TMEM183A: variants seen among roughly 807,000 people sequenced by gnomAD.
TMEM183A encodes the protein transmembrane protein 183A.
A neutral mutation model predicts 46.7 loss-of-function variants in TMEM183A; 21 were observed. That is an observed-to-expected ratio of 0.45 (90% CI 0.32 to 0.65). The LOEUF (loss-of-function observed/expected upper bound fraction) is 0.65. TMEM183A is among the 30% of genes least tolerant of loss of function. The pLI is 0.04. For synonymous variants in TMEM183A, 165 were observed against 180.2 expected (o/e 0.92, Z 0.68); for missense variants, 331 against 481.9 (o/e 0.69, Z 2.93).
rs1167499692 is a variant in TMEM183A, at chr1:203,020,801, G to A, written c.798G>A (p.Arg266=). Reference sequence around the variant, plus strand: ...TTCTCAGTTCTCTTCAGTCCCCTAGGTTAAAGAGCAAGTGTACAGGAGGAT... The same window carrying A: ...TTCTCAGTTCTCTTCAGTCCCCTAGATTAAAGAGCAAGTGTACAGGAGGAT... The part of the protein sequence containing the change: ...FNFKFKKQSP[R]LKSKCTGGLQ... The change falls in exon 7 of 8, where the codon AGG becomes AGA. Residue 266 remains arginine (R), a synonymous_variant. Coordinates refer to ENST00000367242, the MANE Select transcript of TMEM183A (RefSeq NM_138391.6). 6.2e-7 allele frequency: 1 copy of A among 1,613,830 alleles called. No individual in the cohort carries two copies. Among genetic ancestry groups the A allele is most frequent in the African/African-American group, 1.3e-5 (1 of 74,968 alleles).
intron 3 of TMEM183A, among the ~76,000 whole-genome samples, chr1:203,010,314 T>C (rs1199881952): frequency 6.6e-6 from 1 of 152,212 alleles, no homozygotes; most frequent in African/African-American, 2.4e-5. Flanking sequence ...ATTCTAGTTA[T>C]TGTTAGTCAT....
intron 3 of TMEM183A, among the ~76,000 whole-genome samples, chr1:203,012,030 A>G (rs964142739): frequency 3.9e-5 from 6 of 152,028 alleles, no homozygotes; most frequent in East Asian, 3.9e-4. Context: ...TGCTTCAACA[A>G]TGATCAACTC....
At position 203,007,452 on chromosome 1, in the gene TMEM183A, C is replaced by G. The variant is rs907697184; in HGVS notation, c.-14C>G. ...TGGCTTGCGGCTCCCGGGGCCGGCT[C>G]TCCGGCCGGAGACATGGCCCGGGGG... On this transcript the variant is annotated 5_prime_UTR_variant, in exon 1 of 8. Transcript: ENST00000367242. The G allele has an allele frequency of 2.3e-5, 32 of 1,418,424 alleles. No homozygotes were observed. Among genetic ancestry groups the G allele is most frequent in the Non-Finnish European group, 2.9e-5 (31 of 1,083,766 alleles). 87.9% of individuals were successfully genotyped at this position (1,418,424 alleles called of 1,614,324 possible).
At chr1:203,007,729 T>G (rs1230585054) in intron 1 of TMEM183A, 45 bp from the exon 2 acceptor site, 1 of 1,608,224 alleles carries the variant, frequency 6.2e-7, no homozygotes, top group Non-Finnish European at 8.5e-7. Flanking sequence ...GGGAAGACGC[T>G]GACGAGAGAA....
At position 203,007,730 on chromosome 1, in the gene TMEM183A, G is replaced by A. The variant is rs755725933; in HGVS notation, c.110-44G>A. The A allele has an allele frequency of 5.6e-6, 9 of 1,608,068 alleles. No individual in the cohort carries two copies. The Admixed American group carries it at 1.5e-4, about 27-fold the overall frequency. On this transcript the variant is annotated intron_variant, in intron 1 of 7. Coordinates refer to ENST00000367242, the MANE Select transcript of TMEM183A (RefSeq NM_138391.6). ...AGGAGGTGTTGGCGGGGAAGACGCT[G>A]ACGAGAGAAGGCCTCTTCCTTGAGG... is the stretch of plus-strand genomic sequence containing the variant.
At position 203,022,884 on chromosome 1, in the gene TMEM183A, G is replaced by C. The variant is rs1045342813; in HGVS notation, c.975G>C (p.Arg325=). The change falls in exon 8 of 8, where the codon CGG becomes CGC. Residue 325 remains arginine (R), a synonymous_variant. Coordinates refer to ENST00000367242, the MANE Select transcript of TMEM183A (RefSeq NM_138391.6). ...CTATCAATGTGAGCACGGACATGCGGCATCATCGAGTGAGACTGGTGTTCC... is the reference window on the plus strand; with the variant it reads ...CTATCAATGTGAGCACGGACATGCGCCATCATCGAGTGAGACTGGTGTTCC... ...LFTINVSTDM[R]HHRVRLVFQD... 1.2e-6 allele frequency: 2 copies of C among 1,613,514 alleles called. No homozygotes were observed. The highest frequency in any genetic ancestry group is 1.7e-5 in the Admixed American group (1 of 59,946).
intron 5 of TMEM183A, among the ~76,000 whole-genome samples, chr1:203,016,376 T>G (rs1245617524): frequency 6.6e-6 from 1 of 152,236 alleles, no homozygotes; most frequent in Non-Finnish European, 1.5e-5. Flanking sequence ...ATTCTTTTTA[T>G]TTTAATGTAT....
At chr1:203,008,507 G>A (rs1407111467) in intron 2 of TMEM183A, 136 bp from the exon 3 acceptor site, 6 of 478,334 alleles carry the variant, frequency 1.3e-5, no homozygotes, top group Non-Finnish European at 1.8e-5. Context: ...TTTTTTTGGT[G>A]ACAGATTCTC....
intron 3 of TMEM183A, among the ~76,000 whole-genome samples, chr1:203,011,917 G>A (rs1443647361): frequency 1.4e-5 from 2 of 138,118 alleles, no homozygotes; most frequent in Non-Finnish European, 3.1e-5. Flanking sequence ...TATTGTTTCA[G>A]CAGGTATAAT....
chr1:203,020,900 C>A lies in TMEM183A; in HGVS notation c.897C>A (p.Thr299=). Residue 299 remains threonine, a synonymous_variant, in exon 7 of 8, where the codon ACC becomes ACA. Coordinates refer to ENST00000367242, the MANE Select transcript of TMEM183A (RefSeq NM_138391.6). ...ACTGCTGCCTACTGCAGGTCACCAC[C>A]CTCAATTTCATCTTTATTCCGATTG... The part of the protein sequence containing the change: ...DQDCCLLQVT[T]LNFIFIPIVM... 3 of 1,613,698 alleles carry A rather than the reference C, an allele frequency of 1.9e-6. No homozygotes were observed. In the South Asian group the frequency reaches 3.3e-5, roughly 18 times the overall value.
chr1:203,007,626 A>G, intron 1 of TMEM183A, 52 bp downstream of exon 1: 1 of 1,528,066 alleles, frequency 6.5e-7, no homozygotes. Context: ...GGCGGCTGGG[A>G]GGGGGCTGGA....
chr1:203,007,437 C>T lies in TMEM183A; in HGVS notation c.-29C>T, dbSNP rs1179049575. ...GGAGCCGGGCGGAGCTGGCTTGCGG[C>T]TCCCGGGGCCGGCTCTCCGGCCGGA... On this transcript the variant is annotated 5_prime_UTR_variant, in exon 1 of 8. Transcript: ENST00000367242. 4 of 1,400,622 alleles carry T rather than the reference C, an allele frequency of 2.9e-6. No individual in the cohort carries two copies. Among genetic ancestry groups the T allele is most frequent in the Admixed American group, 2.9e-5 (1 of 34,164 alleles). The allele number at this position is 1,400,622 out of a possible 1,614,324, so 86.8% of individuals were successfully genotyped here. A position where few individuals can be genotyped will look rare whatever the true frequency, so the allele number is the denominator to read the frequency against.
chr1:203,008,846 G>A, intron 3 of TMEM183A, 36 bp downstream of exon 3: 7 of 1,531,246 alleles, frequency 4.6e-6, no homozygotes, highest in Non-Finnish European at 6.2e-6. Context: ...TATTAGACCT[G>A]CCTGTGGTGA....
intron 3 of TMEM183A, among the ~76,000 whole-genome samples, chr1:203,012,128 A>T (rs1656660809): frequency 7.3e-6 from 1 of 137,810 alleles, no homozygotes; most frequent in South Asian, 2.4e-4. Flanking sequence ...TTTTTACTTC[A>T]ACCATTACCC....
intron 3 of TMEM183A, among the ~76,000 whole-genome samples, chr1:203,012,959 A>G (rs867796060): frequency 2.6e-4 from 39 of 152,302 alleles, no homozygotes; most frequent in African/African-American, 9.1e-4. Flanking sequence ...GGCTCAAGCC[A>G]TCCTCCCACC....
chr1:203,020,652 C>CA (rs1657572104), intron 6 of TMEM183A, 141 bp from the exon 7 acceptor site: 5 of 1,061,172 alleles, frequency 4.7e-6, no homozygotes, highest in Non-Finnish European at 5.3e-6. Flanking sequence ...TCTTTGATCT[C>CA]TGTATAGAAA....
intron 7 of TMEM183A, among the ~76,000 whole-genome samples, chr1:203,022,014 ACT>A (rs1435373093): frequency 6.6e-6 from 1 of 151,772 alleles, no homozygotes; most frequent in African/African-American, 2.4e-5. Context: ...ATATGTATGT[ACT>A]CTCTCTCTCT....
chr1:203,007,381 G>T lies in TMEM183A; in HGVS notation c.-85G>T. On this transcript the variant is annotated 5_prime_UTR_variant, in exon 1 of 8. Coordinates refer to ENST00000367242, the MANE Select transcript of TMEM183A (RefSeq NM_138391.6). ...GGAACCCGGACCTATGTTCTCGCGA[G>T]AGTTAGCGGCCTCCGGTGTGGGATG... 7.8e-7 allele frequency: 1 copy of T among 1,276,930 alleles called. No homozygotes were observed. The highest frequency in any genetic ancestry group is 1.0e-6 in the Non-Finnish European group (1 of 997,798). 79.1% of individuals were successfully genotyped at this position (1,276,930 alleles called of 1,614,324 possible).
chr1:203,007,773 G>A lies in TMEM183A; in HGVS notation c.110-1G>A. ...CCTTGAGGGTTGGTGCTGTGTTGCA[G>A]TGACCGTGGCGGATTACGCCAACTC... On this transcript the variant is annotated splice_acceptor_variant, in intron 1 of 7. Transcript: ENST00000367242. LOFTEE classifies it high-confidence loss of function. 6.2e-7 allele frequency: 1 copy of A among 1,614,030 alleles called. No individual in the cohort carries two copies. The highest frequency in any genetic ancestry group is 8.5e-7 in the Non-Finnish European group (1 of 1,179,886).
Sources: gnomAD v4.1 joint callset for allele counts (sites outside exome capture counted in the v4.1 genomes callset) on GRCh38, gnomAD v4.1.1 for gene constraint, MANE v1.5 for transcripts, NCBI Gene and HGNC (gene_info 2026-07-23, HGNC 2026-07-21) for gene names.